The following AFG2A variants were observed in gnomAD, a reference collection of about 807,000 sequenced individuals.
The protein encoded by AFG2A is AAA ATPase AFG2A, also known as ATPase family gene 2 protein homolog A.
the AFG2A span, among the ~76,000 whole-genome samples, chr4:123,173,960 T>A: frequency 1.3e-5 from 2 of 152,010 alleles, no homozygotes; most frequent in Non-Finnish European, 2.9e-5. Context: ...GATATAGATC[T>A]GACTAGTCCA....
chr4:123,213,856 G>C, the AFG2A span, among the ~76,000 whole-genome samples: 3 of 152,110 alleles, frequency 2.0e-5, no homozygotes, highest in African/African-American at 7.2e-5. Context: ...TTTATGACTA[G>C]ACTATTTTTG....
At chr4:122,946,269 A>G in the AFG2A span, among the ~76,000 whole-genome samples, 1 of 152,246 alleles carries the variant, frequency 6.6e-6, no homozygotes, top group Non-Finnish European at 1.5e-5. Context: ...ATCAGATGAA[A>G]GGCTTAGTGT....
At chr4:123,198,963 T>G in the AFG2A span, among the ~76,000 whole-genome samples, 21 of 152,304 alleles carry the variant, frequency 1.4e-4, no homozygotes, top group Admixed American at 3.9e-4. Context: ...ATAAAATTAA[T>G]ACTGGCAGAC....
chr4:122,959,012 A>G, the AFG2A span, among the ~76,000 whole-genome samples: 1 of 152,146 alleles, frequency 6.6e-6, no homozygotes, highest in African/African-American at 2.4e-5. Flanking sequence ...GTGAAAACAC[A>G]GTTCTGGGGT....
the AFG2A span, among the ~76,000 whole-genome samples, chr4:123,250,077 A>C: frequency 6.6e-6 from 1 of 152,186 alleles, no homozygotes; most frequent in African/African-American, 2.4e-5. Flanking sequence ...TGATTATTTT[A>C]AATGAATGGG....
At chr4:122,949,905 A>G in the AFG2A span, among the ~76,000 whole-genome samples, 10 of 152,200 alleles carry the variant, frequency 6.6e-5, no homozygotes, top group Non-Finnish European at 1.5e-4. Context: ...CCCTTCCCCC[A>G]TGGAGCAGAA....
the AFG2A span, among the ~76,000 whole-genome samples, chr4:123,213,151 G>A: frequency 0.5 from 76,680 of 151,952 alleles, 23,836 homozygotes; most frequent in Non-Finnish European, 0.67. Flanking sequence ...TGCTATAGTA[G>A]TGGTGTTTAT....
At chr4:123,255,715 C>CTTTTTTTTTTTTT in the AFG2A span, among the ~76,000 whole-genome samples, 5 of 103,910 alleles carry the variant, frequency 4.8e-5, 2 homozygotes, top group African/African-American at 7.2e-5. Flanking sequence ...TACTGCTTTT[C>CTTTTTTTTTTTTT]TATTTTTTTT....
the AFG2A span, among the ~76,000 whole-genome samples, chr4:123,247,247 C>T: frequency 3.2e-5 from 3 of 93,506 alleles, no homozygotes; most frequent in Non-Finnish European, 5.5e-5. Context: ...GTGTGTGTAT[C>T]ACTACTACTA....
chr4:123,040,278 T>C, the AFG2A span, among the ~76,000 whole-genome samples: 6 of 152,306 alleles, frequency 3.9e-5, no homozygotes, highest in African/African-American at 1.4e-4. Context: ...TTAGCAATTA[T>C]GTCATTGACA....
the AFG2A span, among the ~76,000 whole-genome samples, chr4:123,258,695 A>G: frequency 4.6e-5 from 7 of 152,048 alleles, no homozygotes; most frequent in African/African-American, 1.7e-4. Flanking sequence ...TTAAGTGTAT[A>G]CTATTAGCTA....
the AFG2A span, among the ~76,000 whole-genome samples, chr4:122,956,044 TA>T: frequency 6.6e-6 from 1 of 152,342 alleles, no homozygotes; most frequent in Non-Finnish European, 1.5e-5. Context: ...CATGCCTTAC[TA>T]GAGACTTTTT....
chr4:122,927,548 T>C, the AFG2A span: 1 of 1,348,462 alleles, frequency 7.4e-7, no homozygotes, highest in Non-Finnish European at 1.0e-6. Context: ...GTTATATGGT[T>C]AGAGTATTTT....
the AFG2A span, chr4:123,314,055 T>G: frequency 3.8e-6 from 6 of 1,570,356 alleles, no homozygotes; most frequent in East Asian, 6.9e-5. Context: ...GTGGGCTGCA[T>G]ACACTCTGAG....
At chr4:122,997,845 G>A in the AFG2A span, among the ~76,000 whole-genome samples, 1 of 152,104 alleles carries the variant, frequency 6.6e-6, no homozygotes, top group Admixed American at 6.6e-5. Flanking sequence ...CCTAGTGGGT[G>A]TAAAGTATTA....
At chr4:123,304,522 C>G in the AFG2A span, among the ~76,000 whole-genome samples, 6 of 152,186 alleles carry the variant, frequency 3.9e-5, no homozygotes, top group Non-Finnish European at 8.8e-5. Context: ...GGCCCTCCAG[C>G]GGCTGCACCA....
chr4:123,120,388 G>C, the AFG2A span, among the ~76,000 whole-genome samples: 1 of 152,226 alleles, frequency 6.6e-6, no homozygotes, highest in South Asian at 2.1e-4. Flanking sequence ...AAGAGCTTCA[G>C]TGCACTTGTG....
the AFG2A span, among the ~76,000 whole-genome samples, chr4:123,095,620 C>T: frequency 6.6e-6 from 1 of 151,968 alleles, no homozygotes; most frequent in Non-Finnish European, 1.5e-5. Context: ...ACAGTTTTTA[C>T]CATCTTTATT....
chr4:122,925,935 A>G, the AFG2A span, among the ~76,000 whole-genome samples: 1 of 152,214 alleles, frequency 6.6e-6, no homozygotes, highest in Non-Finnish European at 1.5e-5. Flanking sequence ...TATCTTTACT[A>G]TCTTGTTAGT....
Sources: gnomAD v4.1 joint callset for allele counts (sites outside exome capture counted in the v4.1 genomes callset) on GRCh38, gnomAD v4.1.1 for gene constraint, MANE v1.5 for transcripts, NCBI Gene and HGNC (gene_info 2026-07-23, HGNC 2026-07-21) for gene names.